The following GLO1 variants were observed in gnomAD, a reference collection of about 807,000 sequenced individuals.
The protein encoded by GLO1 is lactoylglutathione lyase.
In GLO1, 28 loss-of-function variants were observed where a neutral mutation model predicts 26.0. That is an observed-to-expected ratio of 1.08 (90% CI 0.80 to 1.48). GLO1 has a LOEUF of 1.48. Among genes scored for constraint, GLO1 ranks in the 40% most tolerant of loss-of-function variants. The pLI is 0.00. For synonymous variants in GLO1, 78 were observed against 77.6 expected (o/e 1.00, Z -0.03); for missense variants, 225 against 224.8 (o/e 1.00, Z -0.01).
intron 1 of GLO1, among the ~76,000 whole-genome samples, chr6:38,692,564 T>A (rs1162481120): frequency 6.6e-6 from 1 of 152,126 alleles, no homozygotes; most frequent in African/African-American, 2.4e-5. Context: ...TCTAGAACTT[T>A]CAGCACTTTG....
intron 3 of GLO1, 54 bp downstream of exon 3, chr6:38,684,320 A>G: frequency 1.0e-6 from 1 of 961,858 alleles, no homozygotes; most frequent in Non-Finnish European, 1.4e-6. Context: ...AAAGATTTTT[A>G]AAAACTACCT....
intron 1 of GLO1, among the ~76,000 whole-genome samples, chr6:38,700,521 G>A (rs1333861087): frequency 6.6e-6 from 1 of 152,168 alleles, no homozygotes; most frequent in Non-Finnish European, 1.5e-5. Flanking sequence ...TTCAAATGCA[G>A]GTCTTCAGGC....
At chr6:38,679,517 C>T (rs13216215) in intron 5 of GLO1, among the ~76,000 whole-genome samples, 17,881 of 151,956 alleles carry the variant, frequency 0.12, 1,194 homozygotes, top group Middle Eastern at 0.19. Context: ...AATGACCGGC[C>T]GGGTGTGGTG....
intron 2 of GLO1, among the ~76,000 whole-genome samples, chr6:38,685,907 G>C (rs545548350): frequency 1.3e-5 from 2 of 152,320 alleles, no homozygotes; most frequent in African/African-American, 4.8e-5. Flanking sequence ...CCAACTGTGG[G>C]ATTTGGAGCT....
chr6:38,700,530 G>C (rs1761683126), intron 1 of GLO1, among the ~76,000 whole-genome samples: 1 of 152,086 alleles, frequency 6.6e-6, no homozygotes, highest in Non-Finnish European at 1.5e-5. Flanking sequence ...AGGTCTTCAG[G>C]CTCCAAATAC....
At chr6:38,700,293 T>A (rs1761679037) in intron 1 of GLO1, among the ~76,000 whole-genome samples, 1 of 152,234 alleles carries the variant, frequency 6.6e-6, no homozygotes, top group Non-Finnish European at 1.5e-5. Flanking sequence ...CTACCCAATC[T>A]ATCAAGGCAT....
intron 5 of GLO1, among the ~76,000 whole-genome samples, chr6:38,680,112 TAGAAG>T (rs1761349033): frequency 6.6e-6 from 1 of 152,018 alleles, no homozygotes; most frequent in Non-Finnish European, 1.5e-5. Context: ...AAAAAGAAAA[TAGAAG>T]AGTATTTTCA....
In GLO1 at chr6:38,691,206, C is replaced by T. The variant is rs74721526; in HGVS notation, c.85-4232G>A. On this transcript the variant is annotated intron_variant, in intron 1 of 5. Transcript: ENST00000373365. ...ATGGCTACTGGGTGACAAAGATTTGCTCCTGTGCCTTATCAAAAGGTGGAC... is the reference window on the plus strand; with the variant it reads ...ATGGCTACTGGGTGACAAAGATTTGTTCCTGTGCCTTATCAAAAGGTGGAC... 3.5e-3 allele frequency among the ~76,000 whole-genome samples: 536 copies of T among 152,120 alleles called. 17 individuals carry two copies. The East Asian group carries it at 0.066, about 19-fold the overall frequency.
At chr6:38,702,906 TAG>T (rs1761726555) in intron 1 of GLO1, 63 bp downstream of exon 1, 3 of 917,666 alleles carry the variant, frequency 3.3e-6, no homozygotes, top group Non-Finnish European at 5.3e-6. Context: ...TGGGGTTGGA[TAG>T]AATGCGGCCC....
At chr6:38,683,464 C>A (rs947654093) in intron 3 of GLO1, among the ~76,000 whole-genome samples, 2 of 152,094 alleles carry the variant, frequency 1.3e-5, no homozygotes, top group African/African-American at 4.8e-5. Flanking sequence ...ATTTCTGGAT[C>A]CAAAATGTAG....
intron 3 of GLO1, among the ~76,000 whole-genome samples, chr6:38,683,649 C>T (rs542069319): frequency 3.0e-4 from 45 of 151,698 alleles, no homozygotes; most frequent in Admixed American, 2.7e-3. Flanking sequence ...GCACTTTGGG[C>T]GGCCGAGGCA....
intron 1 of GLO1, among the ~76,000 whole-genome samples, chr6:38,699,666 T>C (rs993311062): frequency 6.6e-6 from 1 of 152,142 alleles, no homozygotes; most frequent in African/African-American, 2.4e-5. Flanking sequence ...GTCTGTCTTA[T>C]GAGGTTGAGA....
chr6:38,690,562 CAT>C (rs71659447), intron 1 of GLO1, among the ~76,000 whole-genome samples: 27,344 of 151,988 alleles, frequency 0.18, 3,098 homozygotes, highest in Non-Finnish European at 0.27. Flanking sequence ...TACACACACA[CAT>C]GCATATGAAA....
intron 5 of GLO1, among the ~76,000 whole-genome samples, chr6:38,678,903 C>T (rs1761318459): frequency 6.6e-6 from 1 of 152,142 alleles, no homozygotes. Flanking sequence ...TAGGCTTATC[C>T]AGCCCATTGT....
Position 38,703,055 on chromosome 6 carries a change from G to T in GLO1, c.-1C>A. On this transcript the variant is annotated 5_prime_UTR_variant, in exon 1 of 6. Coordinates refer to ENST00000373365, the MANE Select transcript of GLO1 (RefSeq NM_006708.3). Reference sequence around the variant, plus strand: ...CGGACGGGGGCTGCGGTTCTGCCATGGCTGCGCTGCAGTATCACAGACGAC... The same window carrying T: ...CGGACGGGGGCTGCGGTTCTGCCATTGCTGCGCTGCAGTATCACAGACGAC... The T allele has an allele frequency of 1.3e-6, 2 of 1,564,976 alleles. No individual in the cohort carries two copies. The highest frequency in any genetic ancestry group is 1.1e-5 in the South Asian group (1 of 89,848).
chr6:38,685,541 T>G (rs1761450510), intron 2 of GLO1, among the ~76,000 whole-genome samples: 1 of 152,220 alleles, frequency 6.6e-6, no homozygotes, highest in South Asian at 2.1e-4. Context: ...TTTCTAGAGT[T>G]CTGCTTCCAA....
At chr6:38,696,346 T>G (rs1011492727) in intron 1 of GLO1, among the ~76,000 whole-genome samples, 1 of 151,722 alleles carries the variant, frequency 6.6e-6, no homozygotes, top group African/African-American at 2.4e-5. Flanking sequence ...CATCTTAAAG[T>G]TAAAATCTCC....
chr6:38,683,853 C>T (rs2127546437), intron 3 of GLO1, among the ~76,000 whole-genome samples: 1 of 151,842 alleles, frequency 6.6e-6, no homozygotes, highest in Non-Finnish European at 1.5e-5. Context: ...CGCCACTGCA[C>T]TCCAGCCTGG....
At chr6:38,682,154 AG>A (rs1417667905) in intron 4 of GLO1, 53 bp from the exon 5 acceptor site, 1 of 956,076 alleles carries the variant, frequency 1.0e-6, no homozygotes, top group African/African-American at 1.6e-5. Context: ...TAATTATAAC[AG>A]GGTGTCCAAG....
Sources: gnomAD v4.1 joint callset for allele counts (sites outside exome capture counted in the v4.1 genomes callset) on GRCh38, gnomAD v4.1.1 for gene constraint, MANE v1.5 for transcripts, NCBI Gene and HGNC (gene_info 2026-07-23, HGNC 2026-07-21) for gene names.